The following GRIP1 variants were observed in gnomAD, a reference collection of about 807,000 sequenced individuals.
The protein encoded by GRIP1 is glutamate receptor interacting protein 1, also known as glutamate receptor-interacting protein 1.
Under a neutral mutation model 129.9 loss-of-function variants are expected in GRIP1, and 45 were observed. The observed-to-expected ratio is 0.35, with a 90% CI of 0.27 to 0.44. The LOEUF is 0.44. GRIP1 is among the 20% of genes least tolerant of loss of function. The probability of loss-of-function intolerance (pLI) is 1.00; values close to 1 mark genes in which losing one functional copy is unlikely to be tolerated. For synonymous variants in GRIP1, 530 were observed against 520.8 expected, an observed-to-expected ratio of 1.02 and a Z score of -0.24; for missense variants, 1,196 against 1,396.8, an observed-to-expected ratio of 0.86 and a Z score of 2.29.
chr12:66,615,001 C>G (rs1592650495), intron 1 of GRIP1, among the ~76,000 whole-genome samples: 1 of 152,130 alleles, frequency 6.6e-6, no homozygotes, highest in East Asian at 1.9e-4. Flanking sequence ...AAGTTCCTAT[C>G]CATTAACTTA....
At chr12:66,995,181 T>TAA (rs545872322) in intron 1 of GRIP1, among the ~76,000 whole-genome samples, 11 of 139,210 alleles carry the variant, frequency 7.9e-5, no homozygotes, top group African/African-American at 2.9e-4. Context: ...TCATGCCATC[T>TAA]AAAAAAAAAA....
chr12:66,404,363 C>A (rs2057112939), intron 16 of GRIP1, among the ~76,000 whole-genome samples: 1 of 152,144 alleles, frequency 6.6e-6, no homozygotes, highest in Non-Finnish European at 1.5e-5. Context: ...AACATTGCCA[C>A]AACTTCATTA....
intron 1 of GRIP1, among the ~76,000 whole-genome samples, chr12:66,936,117 C>A (rs2041480093): frequency 6.6e-6 from 1 of 152,122 alleles, no homozygotes. Flanking sequence ...GGCAGTGTGT[C>A]CTGATCCTAA....
intron 15 of GRIP1, among the ~76,000 whole-genome samples, chr12:66,411,462 A>G (rs1306006326): frequency 6.6e-6 from 1 of 152,150 alleles, no homozygotes; most frequent in Non-Finnish European, 1.5e-5. Flanking sequence ...ACCCCACAAA[A>G]ACTCCATTCA....
Position 66,748,121 on chromosome 12 carries a change from C to T in GRIP1, c.-420+55932G>A, listed in dbSNP as rs532494433. Among the ~76,000 whole-genome samples, 9 of 151,958 alleles carry T rather than the reference C, an allele frequency of 5.9e-5. No individual in the cohort carries two copies. The East Asian group carries it at 1.4e-3, about 23-fold the overall frequency. On this transcript the variant is annotated intron_variant, in intron 1 of 4. Transcript: ENST00000538373. ...GCAACCTCCACCTTCTGGGTTTAAG[C>T]GATTCTCCTGCCTCAGCCTCCCAAG... is the stretch of plus-strand genomic sequence containing the variant.
At chr12:66,570,404 C>T (rs1405933070) in intron 2 of GRIP1, among the ~76,000 whole-genome samples, 1 of 152,170 alleles carries the variant, frequency 6.6e-6, no homozygotes, top group Non-Finnish European at 1.5e-5. Flanking sequence ...AGCCACCACA[C>T]CGGGCCTCAA....
intron 1 of GRIP1, among the ~76,000 whole-genome samples, chr12:66,990,278 GA>G (rs1352709455): frequency 6.6e-6 from 1 of 152,128 alleles, no homozygotes. Flanking sequence ...CTATGTTTTA[GA>G]AATTTTGGTT....
intron 1 of GRIP1, among the ~76,000 whole-genome samples, chr12:66,796,965 T>A (rs2038716568): frequency 6.6e-6 from 1 of 152,194 alleles, no homozygotes. Context: ...TTTCTACATA[T>A]CTATAAACCT....
At chr12:66,710,287 A>G in intron 1 of GRIP1, among the ~76,000 whole-genome samples, 1 of 151,982 alleles carries the variant, frequency 6.6e-6, no homozygotes, top group Admixed American at 6.6e-5. Flanking sequence ...CCTTTGGGAG[A>G]TTATGAACTA....
intron 1 of GRIP1, among the ~76,000 whole-genome samples, chr12:66,698,953 A>G (rs550645939): frequency 1.3e-5 from 2 of 152,174 alleles, no homozygotes; most frequent in African/African-American, 2.4e-5. Context: ...TGGGAGGCTT[A>G]AGTGAAGTTC....
At chr12:66,612,814 G>A (rs998179539) in intron 1 of GRIP1, among the ~76,000 whole-genome samples, 4 of 152,110 alleles carry the variant, frequency 2.6e-5, no homozygotes, top group East Asian at 1.9e-4. Flanking sequence ...GGCCTGGTGC[G>A]ATTCCATGGA....
chr12:66,813,041 GTC>G (rs2039133995), intron 1 of GRIP1, among the ~76,000 whole-genome samples: 3 of 136,268 alleles, frequency 2.2e-5, no homozygotes, highest in Admixed American at 1.4e-4. Context: ...AGGTGTGTTA[GTC>G]TGTTTGTGTT....
intron 1 of GRIP1, among the ~76,000 whole-genome samples, chr12:66,785,307 CATACATACATACATACATACATACAT>C (rs2038287371): frequency 1.7e-5 from 1 of 58,904 alleles, no homozygotes; most frequent in Non-Finnish European, 3.5e-5. Flanking sequence ...AAGAATTTAA[CATACATACATACATACATACATACAT>C]ACATACATAC....
chr12:66,878,323 C>CA (rs2040416874), intron 1 of GRIP1, among the ~76,000 whole-genome samples: 1 of 152,066 alleles, frequency 6.6e-6, no homozygotes, highest in Non-Finnish European at 1.5e-5. Flanking sequence ...AGACTTATTT[C>CA]AACTAGGGGA....
chr12:66,425,069 G>C (rs1169308554), intron 14 of GRIP1, among the ~76,000 whole-genome samples: 3 of 152,112 alleles, frequency 2.0e-5, no homozygotes, highest in Non-Finnish European at 2.9e-5. Flanking sequence ...AAGAGTGCAA[G>C]GGAGAAGAGT....
At chr12:66,396,524 A>G (rs2056794538) in intron 16 of GRIP1, among the ~76,000 whole-genome samples, 1 of 152,208 alleles carries the variant, frequency 6.6e-6, no homozygotes, top group East Asian at 1.9e-4. Flanking sequence ...ATAATACCAG[A>G]GATGAAGTGA....
intron 1 of GRIP1, among the ~76,000 whole-genome samples, chr12:66,867,020 A>G (rs2040217816): frequency 6.6e-6 from 1 of 152,036 alleles, no homozygotes; most frequent in Non-Finnish European, 1.5e-5. Context: ...ACAGACTCTC[A>G]CTCTGTTGCC....
At chr12:66,950,128 C>T (rs1416283171) in intron 1 of GRIP1, among the ~76,000 whole-genome samples, 1 of 152,094 alleles carries the variant, frequency 6.6e-6, no homozygotes, top group African/African-American at 2.4e-5. Flanking sequence ...CTATTCAGAA[C>T]TCCATCAAAT....
At chr12:66,829,635 T>A (rs987741835) in intron 1 of GRIP1, among the ~76,000 whole-genome samples, 23 of 152,286 alleles carry the variant, frequency 1.5e-4, no homozygotes, top group Middle Eastern at 3.4e-3. Context: ...ATGATGAATG[T>A]TTTTGTCCAA....
Sources: gnomAD v4.1 joint callset for allele counts (sites outside exome capture counted in the v4.1 genomes callset) on GRCh38, gnomAD v4.1.1 for gene constraint, MANE v1.5 for transcripts, NCBI Gene and HGNC (gene_info 2026-07-23, HGNC 2026-07-21) for gene names.